Variants in CCSER1 observed in about 807,000 individuals in gnomAD.
CCSER1 encodes the protein coiled-coil serine rich protein 1.
Under a neutral mutation model 82.0 loss-of-function variants are expected in CCSER1, and 41 were observed. The ratio of observed to expected loss-of-function variants is 0.50; its 90% CI spans 0.39 to 0.65. The LOEUF is 0.65. Among genes scored for constraint, CCSER1 ranks in the 30% least tolerant of loss-of-function variants. The pLI, the probability that CCSER1 is intolerant of heterozygous loss-of-function variation, is 0.00. For synonymous variants in CCSER1, 414 were observed against 383.9 expected, an observed-to-expected ratio of 1.08 and a Z score of -0.92; for missense variants, 1,119 against 1,064.2, an observed-to-expected ratio of 1.05 and a Z score of -0.72.
intron 10 of CCSER1, among the ~76,000 whole-genome samples, chr4:91,554,242 A>T (rs1274049550): frequency 2.0e-5 from 3 of 151,380 alleles, no homozygotes; most frequent in Non-Finnish European, 4.4e-5. Flanking sequence ...TGGTCAAAAA[A>T]GATTCTAGAT....
intron 1 of CCSER1, among the ~76,000 whole-genome samples, chr4:90,227,373 T>G (rs1296483239): frequency 6.6e-6 from 1 of 152,232 alleles, no homozygotes; most frequent in East Asian, 1.9e-4. Context: ...AATCTGTGTT[T>G]TTTGCCGAAT....
At chr4:91,392,931 C>G (rs963253283) in intron 10 of CCSER1, among the ~76,000 whole-genome samples, 6 of 151,950 alleles carry the variant, frequency 3.9e-5, no homozygotes, top group African/African-American at 1.4e-4. Flanking sequence ...AGGCCCCACC[C>G]CTCGAGTTTT....
intron 8 of CCSER1, among the ~76,000 whole-genome samples, chr4:90,879,523 A>C (rs1720897634): frequency 3.3e-5 from 5 of 150,656 alleles, no homozygotes. Context: ...GAAGAGGAAG[A>C]GGAAGAGGAA....
At chr4:90,592,945 A>G (rs1354275077) in intron 5 of CCSER1, among the ~76,000 whole-genome samples, 1 of 152,190 alleles carries the variant, frequency 6.6e-6, no homozygotes, top group East Asian at 1.9e-4. Flanking sequence ...GTGTGGTAAG[A>G]TCAGTAGCAG....
chr4:91,069,911 A>G (rs991046489), intron 9 of CCSER1, among the ~76,000 whole-genome samples: 3 of 152,180 alleles, frequency 2.0e-5, no homozygotes, highest in Non-Finnish European at 4.4e-5. Flanking sequence ...ATAATCATAT[A>G]TAATTTTACC....
chr4:90,795,618 G>A (rs1006221457), intron 7 of CCSER1, among the ~76,000 whole-genome samples: 6 of 152,264 alleles, frequency 3.9e-5, no homozygotes, highest in East Asian at 3.9e-4. Context: ...TCAGTGTAGC[G>A]TTGGCTGTGG....
At chr4:90,204,067 G>T (rs1738295336) in intron 1 of CCSER1, among the ~76,000 whole-genome samples, 1 of 152,046 alleles carries the variant, frequency 6.6e-6, no homozygotes, top group African/African-American at 2.4e-5. Context: ...ATTTGTTTAA[G>T]TTCCTTATAA....
chr4:90,262,799 C>G (rs767970140), intron 1 of CCSER1, among the ~76,000 whole-genome samples: 21 of 152,162 alleles, frequency 1.4e-4, no homozygotes, highest in Non-Finnish European at 1.5e-5. Context: ...TCTGGCTGTT[C>G]AGATCAGACA....
chr4:90,955,865 G>A (rs1396313788), intron 9 of CCSER1, among the ~76,000 whole-genome samples: 5 of 151,936 alleles, frequency 3.3e-5, no homozygotes, highest in East Asian at 3.9e-4. Context: ...GTCCTGCTTC[G>A]AAAGACTATT....
intron 1 of CCSER1, among the ~76,000 whole-genome samples, chr4:90,266,056 A>G (rs973542781): frequency 7.9e-5 from 12 of 152,128 alleles, no homozygotes; most frequent in South Asian, 2.1e-4. Context: ...TTCACTTACA[A>G]CCATAGCTAA....
chr4:90,823,667 G>T (rs1272584668), intron 8 of CCSER1, among the ~76,000 whole-genome samples: 1 of 151,578 alleles, frequency 6.6e-6, no homozygotes, highest in East Asian at 1.9e-4. Context: ...TTTTGGGGGG[G>T]GATGTTTGGA....
Position 91,190,971 on chromosome 4 carries a change from G to T in CCSER1, c.2217+104977G>T, listed in dbSNP as rs58492754. On this transcript the variant is annotated intron_variant, in intron 10 of 10. Transcript: ENST00000509176. The stretch of plus-strand genomic sequence containing the variant: ...AACACTGCCCACCTGGTTGTTATCA[G>T]GATTAAATGAGTTAATCAGAATAAT... Among the ~76,000 whole-genome samples, 53 of 152,178 alleles carry T rather than the reference G, an allele frequency of 3.5e-4. No homozygotes were observed. In the East Asian group the frequency reaches 9.8e-3, roughly 28 times the overall value.
chr4:90,803,216 C>CT (rs77222463), intron 7 of CCSER1, among the ~76,000 whole-genome samples: 29,339 of 151,876 alleles, frequency 0.19, 3,061 homozygotes, highest in East Asian at 0.3. Context: ...ATGTTTTTGT[C>CT]TTTTTTTAAA....
At chr4:90,804,486 C>T (rs11097268) in intron 7 of CCSER1, among the ~76,000 whole-genome samples, 51,538 of 151,654 alleles carry the variant, frequency 0.34, 8,932 homozygotes, top group East Asian at 0.42. Context: ...TTCCCTATTG[C>T]TTGTTTGTGT....
chr4:91,178,538 A>T (rs7656588), intron 10 of CCSER1, among the ~76,000 whole-genome samples: 29,459 of 152,038 alleles, frequency 0.19, 3,143 homozygotes, highest in Non-Finnish European at 0.23. Flanking sequence ...CTTCTTGTTG[A>T]ATTGATCCCT....
intron 1 of CCSER1, among the ~76,000 whole-genome samples, chr4:90,304,648 TG>T (rs1207133107): frequency 2.0e-5 from 3 of 151,636 alleles, no homozygotes; most frequent in African/African-American, 7.3e-5. Flanking sequence ...GGGACTGTTG[TG>T]GGGTGGGGAG....
intron 10 of CCSER1, among the ~76,000 whole-genome samples, chr4:91,320,000 T>A (rs1480292101): frequency 5.9e-5 from 9 of 152,046 alleles, no homozygotes; most frequent in Non-Finnish European, 1.0e-4. Flanking sequence ...CCGTCTAGCC[T>A]GAGATGTGAA....
chr4:90,334,319 C>G (rs536731960), intron 3 of CCSER1, among the ~76,000 whole-genome samples: 1 of 151,662 alleles, frequency 6.6e-6, no homozygotes, highest in African/African-American at 2.4e-5. Flanking sequence ...TTTTTTTAAG[C>G]GATTGGTTTT....
At chr4:91,246,927 T>C (rs1692245785) in intron 10 of CCSER1, among the ~76,000 whole-genome samples, 1 of 151,888 alleles carries the variant, frequency 6.6e-6, no homozygotes, top group Non-Finnish European at 1.5e-5. Flanking sequence ...CAACAATAAT[T>C]ACATATCTCT....
Sources: gnomAD v4.1 joint callset for allele counts (sites outside exome capture counted in the v4.1 genomes callset) on GRCh38, gnomAD v4.1.1 for gene constraint, MANE v1.5 for transcripts, NCBI Gene and HGNC (gene_info 2026-07-23, HGNC 2026-07-21) for gene names.